FRY: variants seen among roughly 807,000 people sequenced by gnomAD.
The protein encoded by FRY is protein furry homolog.
FRY carries 128 observed loss-of-function variants against 348.4 expected under a neutral mutation model. The ratio of observed to expected loss-of-function variants is 0.37; its 90% CI spans 0.32 to 0.43. The LOEUF (loss-of-function observed/expected upper bound fraction) is 0.43, where lower values mean the gene tolerates loss of function less well. FRY is among the 20% of genes least tolerant of loss of function. The pLI is 1.00. For missense variants in FRY, 2,736 were observed against 3,695.2 expected, an observed-to-expected ratio of 0.74 and a Z score of 6.73; for synonymous variants, 1,370 against 1,374.7, an observed-to-expected ratio of 1.00 and a Z score of 0.08.
chr13:32,117,256 G>C, intron 3 of FRY, 78 bp from the exon 4 acceptor site: 1 of 1,311,690 alleles, frequency 7.6e-7, no homozygotes, highest in Non-Finnish European at 1.1e-6. Context: ...TAGTGCTTGG[G>C]GTTACTTGTG....
rs1430739144 is a variant in FRY at position 32,224,358 on chromosome 13, C to T, written c.4889C>T (p.Thr1630Ile). The T allele has an allele frequency of 5.0e-6, 8 of 1,613,868 alleles. No homozygotes were observed. The highest frequency in any genetic ancestry group is 1.3e-5 in the African/African-American group (1 of 74,902). The change falls in exon 37 of 61, where the codon ACC becomes ATC. Residue 1630 changes from threonine (T) to isoleucine (I), a missense_variant. Thr to Ile is a moderately conservative substitution (Grantham distance 89, BLOSUM62 -1). Coordinates refer to ENST00000542859, the MANE Select transcript of FRY (RefSeq NM_023037.3). ...WAPLVDYLPE[T>I]ITPRGPLHRC... ...CCCCTGGTTGACTATCTCCCGGAGA[C>T]CATCACTCCCCGGGGGCCACTCCAC...
At chr13:32,221,627 G>A (rs555047973) in intron 36 of FRY, among the ~76,000 whole-genome samples, 21 of 152,206 alleles carry the variant, frequency 1.4e-4, no homozygotes, top group African/African-American at 4.1e-4. Context: ...ATTCTGCTGC[G>A]TCAGCCACCC....
intron 3 of FRY, among the ~76,000 whole-genome samples, chr13:32,114,427 C>T (rs548849681): frequency 2.0e-5 from 3 of 152,144 alleles, no homozygotes; most frequent in Admixed American, 2.0e-4. Flanking sequence ...GTAGGGCAAG[C>T]TGTTGGGGAG....
At position 32,254,541 on chromosome 13, in the gene FRY, G is replaced by A. The variant is rs1887240381; in HGVS notation, c.7416+147G>A. ...TTTATTTTGAATCAACTTATTCAAA[G>A]TACAGCAGCTAAACTTTGGCAAAAG... On this transcript the variant is annotated intron_variant, in intron 51 of 60. Transcript: ENST00000542859. 3 of 907,038 alleles carry A rather than the reference G, an allele frequency of 3.3e-6. No individual in the cohort carries two copies. The African/African-American group carries it at 4.9e-5, about 15-fold the overall frequency. The allele number at this position is 907,038 out of a possible 1,614,324, so 56.2% of individuals were successfully genotyped here.
At chr13:32,153,736 A>G (rs1444605314) in intron 14 of FRY, among the ~76,000 whole-genome samples, 8 of 152,178 alleles carry the variant, frequency 5.3e-5, no homozygotes, top group Non-Finnish European at 1.2e-4. Context: ...TCTGGCTTAC[A>G]AGAGATATTT....
chr13:32,045,650 C>G (rs1358642893), intron 1 of FRY, among the ~76,000 whole-genome samples: 1 of 152,108 alleles, frequency 6.6e-6, no homozygotes, highest in Non-Finnish European at 1.5e-5. Context: ...TTGGTAGATT[C>G]AAGAGTTCTG....
At chr13:32,085,866 C>T (rs765158690) in intron 2 of FRY, 1 of 518,958 alleles carries the variant, frequency 1.9e-6, no homozygotes, top group South Asian at 1.4e-5. Flanking sequence ...GAGACACAAC[C>T]ACAGCTCCTT....
At chr13:32,223,573 C>T (rs948829123) in intron 36 of FRY, among the ~76,000 whole-genome samples, 3 of 151,950 alleles carry the variant, frequency 2.0e-5, no homozygotes, top group Non-Finnish European at 2.9e-5. Flanking sequence ...TCCAGGAGTT[C>T]GAGACCAGCA....
chr13:32,262,245 G>A lies in FRY; in HGVS notation c.7618-69G>A, dbSNP rs925355547. Reference sequence around the variant, plus strand: ...ATTAAGACGTATTAACCAACAACTAGAGAATAAATGGAGCTTTTAAAGAAT... The same window carrying A: ...ATTAAGACGTATTAACCAACAACTAAAGAATAAATGGAGCTTTTAAAGAAT... On this transcript the variant is annotated intron_variant, in intron 52 of 60. Transcript: ENST00000542859. 2.3e-6 allele frequency: 3 copies of A among 1,281,166 alleles called. No individual in the cohort carries two copies. The East Asian group carries it at 7.0e-5, about 30-fold the overall frequency. The allele number at this position is 1,281,166 out of a possible 1,614,324, so 79.4% of individuals were successfully genotyped here.
intron 55 of FRY, among the ~76,000 whole-genome samples, chr13:32,268,505 A>AAAAAATATAT (rs1555273232): frequency 7.1e-5 from 2 of 28,302 alleles, no homozygotes; most frequent in Non-Finnish European, 1.6e-4. Context: ...AAAAAAAAAA[A>AAAAAATATAT]ATATATATAT....
At chr13:32,270,058 T>A (rs1473300992) in intron 55 of FRY, among the ~76,000 whole-genome samples, 2 of 152,170 alleles carry the variant, frequency 1.3e-5, no homozygotes, top group Non-Finnish European at 2.9e-5. Context: ...AGAAAACAAT[T>A]GGCTGCTAAA....
In FRY at chr13:32,159,766, C is replaced by T. The variant is rs369154751; in HGVS notation, c.1785-1378C>T. ...CTGTTAAAAACATCTGGTGAGCAAA[C>T]TAGTAGAACTGTTTAAACTACTCAC... On this transcript the variant is annotated intron_variant, in intron 16 of 60. Coordinates refer to ENST00000542859, the MANE Select transcript of FRY (RefSeq NM_023037.3). Among the ~76,000 whole-genome samples, 85 of 152,248 alleles carry T rather than the reference C, an allele frequency of 5.6e-4. 1 individual carries two copies. In the South Asian group the frequency reaches 0.017, roughly 31 times the overall value.
At chr13:32,210,187 G>C (rs1301001429) in intron 33 of FRY, among the ~76,000 whole-genome samples, 1 of 152,192 alleles carries the variant, frequency 6.6e-6, no homozygotes, top group Non-Finnish European at 1.5e-5. Context: ...AAGTAAGCAT[G>C]GAGAAATCCT....
rs10717683 is a variant in FRY at position 32,218,677 on chromosome 13, C to CAAAAAA, written c.4683-58_4683-53dup. ...CTGGTGACAGAGTGAGACTCCAACT[C>CAAAAAA]AAAAAAAAAAAAAAAAAAAGCGCAT... On this transcript the variant is annotated intron_variant, in intron 35 of 60. Coordinates refer to ENST00000542859, the MANE Select transcript of FRY (RefSeq NM_023037.3). 1.2e-4 allele frequency: 67 copies of CAAAAAA among 575,832 alleles called. 4 individuals are homozygous for CAAAAAA. Among genetic ancestry groups the CAAAAAA allele is most frequent in the African/African-American group, 1.7e-4 (6 of 35,046 alleles). The allele number at this position is 575,832 out of a possible 1,614,324, so 35.7% of individuals were successfully genotyped here. A position where few individuals can be genotyped will look rare whatever the true frequency, so the allele number is the denominator to read the frequency against.
chr13:32,233,160 G>A (rs1214357433), intron 41 of FRY, among the ~76,000 whole-genome samples: 1 of 152,106 alleles, frequency 6.6e-6, no homozygotes, highest in Non-Finnish European at 1.5e-5. Context: ...CAATTTTCCA[G>A]GACCCTCTGT....
chr13:32,282,840 A>T (rs1888876706), intron 58 of FRY, among the ~76,000 whole-genome samples: 1 of 152,202 alleles, frequency 6.6e-6, no homozygotes, highest in South Asian at 2.1e-4. Context: ...GCATTTAAAA[A>T]TTTAAAACTT....
chr13:32,184,240 A>T (rs900389947), intron 24 of FRY, among the ~76,000 whole-genome samples: 2 of 152,220 alleles, frequency 1.3e-5, no homozygotes, highest in Non-Finnish European at 2.9e-5. Context: ...TGTGAATAAG[A>T]ACAAACAGTG....
At chr13:32,213,319 T>C (rs1593749873) in intron 35 of FRY, among the ~76,000 whole-genome samples, 1 of 152,210 alleles carries the variant, frequency 6.6e-6, no homozygotes, top group Non-Finnish European at 1.5e-5. Context: ...CTTGGGGCTC[T>C]GAAGGCTCCT....
At chr13:32,238,962 T>C (rs997867141) in intron 44 of FRY, among the ~76,000 whole-genome samples, 8 of 152,238 alleles carry the variant, frequency 5.3e-5, no homozygotes, top group African/African-American at 1.9e-4. Flanking sequence ...TCAGTTTGGC[T>C]CAGTTCAATC....
Sources: gnomAD v4.1 joint callset for allele counts (sites outside exome capture counted in the v4.1 genomes callset) on GRCh38, gnomAD v4.1.1 for gene constraint, MANE v1.5 for transcripts, NCBI Gene and HGNC (gene_info 2026-07-23, HGNC 2026-07-21) for gene names.